The following SCLT1 variants were observed in gnomAD, a reference collection of about 807,000 sequenced individuals.
SCLT1 encodes the protein sodium channel and clathrin linker 1.
A neutral mutation model predicts 112.8 loss-of-function variants in SCLT1; 78 were observed. The ratio of observed to expected loss-of-function variants is 0.69; its 90% confidence interval spans 0.58 to 0.83. The LOEUF is 0.83. Ranked by LOEUF, SCLT1 falls within the 40% of genes least tolerant of loss-of-function variation. SCLT1 has a pLI of 0.00. For missense variants in SCLT1, 747 were observed against 770.4 expected, an observed-to-expected ratio of 0.97 and a Z score of 0.36; for synonymous variants, 257 against 254.7, an observed-to-expected ratio of 1.01 and a Z score of -0.09.
At chr4:128,888,958 AAATT>A (rs1733100840) in intron 19 of SCLT1, among the ~76,000 whole-genome samples, 184 bp from the exon 20 acceptor site, 1 of 152,224 alleles carries the variant, frequency 6.6e-6, no homozygotes, top group South Asian at 2.1e-4. Flanking sequence ...CATTCTTAAT[AAATT>A]GTTTTCTTTC....
At chr4:129,036,909 G>C (rs1050363547) in intron 5 of SCLT1, 1 of 151,680 alleles carries the variant, frequency 6.6e-6, no homozygotes, top group Admixed American at 6.6e-5. Context: ...AATAAATTTA[G>C]AACTCAAAAA....
intron 2 of SCLT1, among the ~76,000 whole-genome samples, chr4:129,055,818 TAAAAAAA>T (rs56689003): frequency 2.3e-4 from 30 of 132,506 alleles, no homozygotes; most frequent in Non-Finnish European, 2.5e-4. Context: ...GCCACTGGCA[TAAAAAAA>T]AAAAAACAAA....
At chr4:129,086,520 C>A (rs185326611) in intron 1 of SCLT1, among the ~76,000 whole-genome samples, 1 of 152,100 alleles carries the variant, frequency 6.6e-6, no homozygotes, top group Admixed American at 6.6e-5. Flanking sequence ...CAGTCACTTA[C>A]TAGCTCTGTT....
At chr4:128,969,213 T>C (rs1204693243) in intron 10 of SCLT1, among the ~76,000 whole-genome samples, 1 of 152,182 alleles carries the variant, frequency 6.6e-6, no homozygotes, top group Non-Finnish European at 1.5e-5. Flanking sequence ...GGTAAGAATT[T>C]ACACTCAGAA....
rs540290197 is a variant in SCLT1 at position 128,960,747 on chromosome 4, C to T, written c.870-970G>A. 1.2e-3 allele frequency among the ~76,000 whole-genome samples: 179 copies of T among 150,670 alleles called. 2 individuals are homozygous for T. The South Asian group carries it at 0.016, about 14-fold the overall frequency. The stretch of plus-strand genomic sequence containing the variant: ...CATCCTGGCTAACAAGGTGAAACCC[C>T]GTCTCTACTAAAAATACAAAAAATT... On this transcript the variant is annotated intron_variant, in intron 11 of 20. Transcript: ENST00000281142.
chr4:129,003,956 TG>T, intron 5 of SCLT1, 80 bp from the exon 6 acceptor site: 1 of 1,280,722 alleles, frequency 7.8e-7, no homozygotes, highest in Non-Finnish European at 1.1e-6. Flanking sequence ...ATTAAACATT[TG>T]GGTCAACAAT....
At chr4:128,939,450 G>C (rs980285524) in intron 17 of SCLT1, among the ~76,000 whole-genome samples, 3 of 152,136 alleles carry the variant, frequency 2.0e-5, no homozygotes, top group African/African-American at 7.2e-5. Flanking sequence ...CAGGCTAAGG[G>C]CCACAACAAC....
At chr4:129,039,213 A>C (rs1747457303) in intron 4 of SCLT1, 117 bp from the exon 5 acceptor site, 1 of 631,306 alleles carries the variant, frequency 1.6e-6, no homozygotes, top group South Asian at 2.0e-5. Flanking sequence ...AGAAAGACTT[A>C]TTCTTTATTT....
chr4:129,091,983 C>G (rs946849953), intron 1 of SCLT1, among the ~76,000 whole-genome samples: 6 of 152,194 alleles, frequency 3.9e-5, no homozygotes, highest in Non-Finnish European at 8.8e-5. Flanking sequence ...TGCTCTCTAC[C>G]TCTTTCTCTC....
At chr4:129,004,933 AGT>A (rs1743859072) in intron 5 of SCLT1, among the ~76,000 whole-genome samples, 1 of 151,656 alleles carries the variant, frequency 6.6e-6, no homozygotes. Context: ...AATATCTAAC[AGT>A]GTTTTTAAAA....
intron 18 of SCLT1, among the ~76,000 whole-genome samples, chr4:128,933,227 T>C (rs2125978322): frequency 6.6e-6 from 1 of 152,256 alleles, no homozygotes; most frequent in Non-Finnish European, 1.5e-5. Context: ...TAACATACAG[T>C]GAACAAAGGA....
rs1252746541 is a variant in SCLT1 at position 129,007,710 on chromosome 4, G to A, written c.291-3834C>T. Among the ~76,000 whole-genome samples, 16 of 152,056 alleles carry A rather than the reference G, an allele frequency of 1.1e-4. No individual in the cohort carries two copies. In the East Asian group the frequency reaches 2.9e-3, roughly 28 times the overall value. ...ATCACTCTTAAAATTATAGCATGTA[G>A]TACAGCAAAATTTAATGCAATTACT... On this transcript the variant is annotated intron_variant, in intron 5 of 20. Transcript: ENST00000281142.
At chr4:128,911,198 G>A (rs777215247) in intron 18 of SCLT1, among the ~76,000 whole-genome samples, 7 of 149,118 alleles carry the variant, frequency 4.7e-5, no homozygotes, top group South Asian at 4.1e-4. Flanking sequence ...TCTGGGAGGC[G>A]GAGGTTGCAG....
intron 18 of SCLT1, among the ~76,000 whole-genome samples, chr4:128,895,783 C>G (rs1350786338): frequency 6.6e-6 from 1 of 152,084 alleles, no homozygotes; most frequent in Non-Finnish European, 1.5e-5. Context: ...ATTCCCTTTC[C>G]TAGTCAAAGA....
intron 5 of SCLT1, among the ~76,000 whole-genome samples, chr4:129,008,806 C>T (rs1744259231): frequency 1.3e-5 from 2 of 152,086 alleles, no homozygotes; most frequent in Admixed American, 6.5e-5. Flanking sequence ...TGATCCTCTC[C>T]CTCCTCCCAG....
intron 15 of SCLT1, among the ~76,000 whole-genome samples, chr4:128,947,722 T>C (rs1020049756): frequency 1.5e-4 from 23 of 152,322 alleles, no homozygotes; most frequent in Non-Finnish European, 2.2e-4. Context: ...ATGAAAGAGA[T>C]GAATTTTAAA....
intron 17 of SCLT1, among the ~76,000 whole-genome samples, chr4:128,940,175 A>C (rs1054286560): frequency 6.6e-6 from 1 of 152,140 alleles, no homozygotes; most frequent in Admixed American, 6.6e-5. Flanking sequence ...CATTATAAAA[A>C]AAAGAAAGCA....
downstream of SCLT1, among the ~76,000 whole-genome samples, chr4:128,879,158 T>G (rs910738926): frequency 6.6e-6 from 1 of 152,088 alleles, no homozygotes; most frequent in Non-Finnish European, 1.5e-5. Flanking sequence ...CAGACTTGTT[T>G]TAAGGTTGAT....
intron 14 of SCLT1, among the ~76,000 whole-genome samples, chr4:128,949,989 G>A (rs2125999527): frequency 6.7e-6 from 1 of 148,972 alleles, no homozygotes; most frequent in South Asian, 2.1e-4. Context: ...AGCTTCTTTT[G>A]TGACCCAAAA....
Sources: gnomAD v4.1 joint callset for allele counts (sites outside exome capture counted in the v4.1 genomes callset) on GRCh38, gnomAD v4.1.1 for gene constraint, MANE v1.5 for transcripts, NCBI Gene and HGNC (gene_info 2026-07-23, HGNC 2026-07-21) for gene names.